The following ARB2A variants were observed in gnomAD, a reference collection of about 807,000 sequenced individuals.
ARB2A encodes the protein ARB2 cotranscriptional regulator A.
chr5:94,054,054 C>T, the ARB2A span, among the ~76,000 whole-genome samples: 6 of 152,320 alleles, frequency 3.9e-5, no homozygotes, highest in South Asian at 4.1e-4. Context: ...CAGGCTTAGC[C>T]GCCATGCCTC....
At chr5:93,781,328 T>C in the ARB2A span, among the ~76,000 whole-genome samples, 1 of 152,230 alleles carries the variant, frequency 6.6e-6, no homozygotes, top group Non-Finnish European at 1.5e-5. Context: ...TCCATGTTGC[T>C]GTAAGATATA....
chr5:93,842,217 G>A, the ARB2A span, among the ~76,000 whole-genome samples: 21 of 152,270 alleles, frequency 1.4e-4, no homozygotes, highest in South Asian at 2.1e-4. Context: ...TGAAAGTAAC[G>A]GGTTAGAAAA....
chr5:94,047,261 G>A, the ARB2A span, among the ~76,000 whole-genome samples: 2 of 152,174 alleles, frequency 1.3e-5, no homozygotes, highest in Admixed American at 1.3e-4. Context: ...GGAGGCCAAG[G>A]TGGGCAGATC....
At chr5:93,705,980 T>C in the ARB2A span, among the ~76,000 whole-genome samples, 1 of 152,098 alleles carries the variant, frequency 6.6e-6, no homozygotes, top group East Asian at 1.9e-4. Flanking sequence ...GAAAAACAGA[T>C]TGATAATTCC....
At chr5:93,922,919 C>T in the ARB2A span, among the ~76,000 whole-genome samples, 1 of 151,818 alleles carries the variant, frequency 6.6e-6, no homozygotes, top group Admixed American at 6.6e-5. Flanking sequence ...GAATTGGTAC[C>T]GTATAGAAAC....
At chr5:93,976,760 A>G in the ARB2A span, among the ~76,000 whole-genome samples, 1 of 152,154 alleles carries the variant, frequency 6.6e-6, no homozygotes, top group South Asian at 2.1e-4. Context: ...ATTTCTTTAT[A>G]GAAGTGTGAG....
chr5:94,050,694 T>C, the ARB2A span: 24 of 1,461,996 alleles, frequency 1.6e-5, no homozygotes, highest in Admixed American at 2.2e-5. Context: ...TATTTAAAAT[T>C]GGGAAAAACA....
At chr5:93,989,125 G>A in the ARB2A span, among the ~76,000 whole-genome samples, 1 of 152,140 alleles carries the variant, frequency 6.6e-6, no homozygotes, top group African/African-American at 2.4e-5. Context: ...CTCTTAATTT[G>A]TGTGGCATAA....
the ARB2A span, among the ~76,000 whole-genome samples, chr5:93,897,723 T>C: frequency 3.3e-5 from 5 of 151,874 alleles, no homozygotes; most frequent in Admixed American, 2.0e-4. Context: ...CAAATCCTCA[T>C]GCTAAAAATA....
chr5:93,920,512 G>A, the ARB2A span, among the ~76,000 whole-genome samples: 1 of 152,054 alleles, frequency 6.6e-6, no homozygotes, highest in African/African-American at 2.4e-5. Context: ...AAAACTTACA[G>A]ATGAATTGCA....
At chr5:93,886,246 T>C in the ARB2A span, among the ~76,000 whole-genome samples, 3 of 151,778 alleles carry the variant, frequency 2.0e-5, no homozygotes, top group South Asian at 2.1e-4. Context: ...TGAAAGTACT[T>C]GGCTCTGCAT....
At chr5:93,872,854 T>C in the ARB2A span, among the ~76,000 whole-genome samples, 10 of 151,716 alleles carry the variant, frequency 6.6e-5, no homozygotes, top group African/African-American at 2.4e-4. Context: ...GAGGCAGAGT[T>C]TGCAGTGAGC....
chr5:93,686,333 A>G, the ARB2A span, among the ~76,000 whole-genome samples: 1 of 152,246 alleles, frequency 6.6e-6, no homozygotes, highest in East Asian at 1.9e-4. Context: ...AACCTATCCA[A>G]GGGTCTGACT....
the ARB2A span, among the ~76,000 whole-genome samples, chr5:93,765,527 T>A: frequency 1.3e-5 from 2 of 152,118 alleles, no homozygotes; most frequent in South Asian, 4.1e-4. Flanking sequence ...TACAAACCAC[T>A]GCTCAATGAA....
At chr5:93,873,454 A>G in the ARB2A span, among the ~76,000 whole-genome samples, 3 of 151,840 alleles carry the variant, frequency 2.0e-5, no homozygotes, top group Non-Finnish European at 4.4e-5. Context: ...GGAAAGGAAA[A>G]GGAAAAGGGG....
chr5:93,741,514 C>G, the ARB2A span: 3 of 1,609,390 alleles, frequency 1.9e-6, no homozygotes, highest in Non-Finnish European at 2.5e-6. Flanking sequence ...GCCGCCCCCA[C>G]CACTGCCTGG....
chr5:93,620,950 T>TGCGC, the ARB2A span: 4 of 1,596,682 alleles, frequency 2.5e-6, no homozygotes, highest in East Asian at 4.6e-5. Flanking sequence ...TGCGGGTGGG[T>TGCGC]GCGCCAGGGC....
chr5:93,872,396 C>A, the ARB2A span, among the ~76,000 whole-genome samples: 1 of 152,230 alleles, frequency 6.6e-6, no homozygotes, highest in Non-Finnish European at 1.5e-5. Flanking sequence ...ATTAAGATTA[C>A]AGTATGTATT....
At chr5:93,728,987 T>C in the ARB2A span, among the ~76,000 whole-genome samples, 1 of 152,148 alleles carries the variant, frequency 6.6e-6, no homozygotes, top group African/African-American at 2.4e-5. Context: ...GCTATGGCTG[T>C]ATTTTTACCA....
Sources: allele counts gnomAD v4.1 joint callset (sites outside exome capture counted in the v4.1 genomes callset), GRCh38; gene constraint gnomAD v4.1.1; transcripts MANE v1.5; gene names NCBI Gene and HGNC (gene_info 2026-07-23, HGNC 2026-07-21).